The following LHFPL3 variants were observed in gnomAD, a reference collection of about 807,000 sequenced individuals.
LHFPL3 encodes the protein LHFPL tetraspan subfamily member 3 protein.
A neutral mutation model predicts 19.3 loss-of-function variants in LHFPL3; 5 were observed. The observed-to-expected ratio is 0.26, with a 90% CI of 0.14 to 0.54. The LOEUF (loss-of-function observed/expected upper bound fraction) is 0.54, where lower values mean the gene tolerates loss of function less well. LHFPL3 is among the 20% of genes least tolerant of loss of function. The probability of loss-of-function intolerance (pLI) is 0.94; values close to 1 mark genes in which losing one functional copy is unlikely to be tolerated. For missense variants in LHFPL3, 249 were observed against 307.4 expected (o/e 0.81, Z 1.42); for synonymous variants, 133 against 126.2 (o/e 1.05, Z -0.36).
At chr7:104,367,836 GT>G (rs1790525721) in intron 1 of LHFPL3, among the ~76,000 whole-genome samples, 1 of 152,164 alleles carries the variant, frequency 6.6e-6, no homozygotes, top group African/African-American at 2.4e-5. Context: ...AGTAATTTTT[GT>G]TTTAATTTTG....
intron 1 of LHFPL3, among the ~76,000 whole-genome samples, chr7:104,590,181 T>C (rs1264801894): frequency 6.6e-6 from 1 of 152,216 alleles, no homozygotes; most frequent in Non-Finnish European, 1.5e-5. Context: ...CTCTTTCTTC[T>C]CTAGTTCTTT....
At chr7:104,414,544 G>A (rs1395987928) in intron 1 of LHFPL3, among the ~76,000 whole-genome samples, 4 of 152,194 alleles carry the variant, frequency 2.6e-5, no homozygotes, top group Non-Finnish European at 5.9e-5. Flanking sequence ...GAGACACTTT[G>A]TGCAATCAAT....
At chr7:104,472,042 G>T (rs1374878245) in intron 1 of LHFPL3, among the ~76,000 whole-genome samples, 1 of 151,856 alleles carries the variant, frequency 6.6e-6, no homozygotes, top group Non-Finnish European at 1.5e-5. Flanking sequence ...GCCGAGGGTG[G>T]GGCGTGTACC....
intron 1 of LHFPL3, among the ~76,000 whole-genome samples, chr7:104,357,757 T>C (rs796138500): frequency 1.6e-3 from 245 of 151,398 alleles, no homozygotes; most frequent in African/African-American, 5.1e-3. Flanking sequence ...ATTTCTCCTC[T>C]TCCTCCTCCT....
At chr7:104,766,117 G>T (rs780236868) in intron 2 of LHFPL3, among the ~76,000 whole-genome samples, 21 of 152,216 alleles carry the variant, frequency 1.4e-4, no homozygotes, top group Non-Finnish European at 2.8e-4. Context: ...GATACGGAAT[G>T]ATCCTAATGC....
rs1791269356 is a variant in LHFPL3, at chr7:104,399,593, C to CTGAGATTACAA, written c.445+70370_445+70380dup. 6.6e-6 allele frequency among the ~76,000 whole-genome samples: 1 copy of CTGAGATTACAA among 150,790 alleles called. No individual in the cohort carries two copies. The highest frequency in any genetic ancestry group is 2.4e-5 in the African/African-American group (1 of 41,116). ...TCTCCTGCCTCAGCCTCCCAAGTAGCTGAGATTACAAGCACCTGCCACCAC... is the reference window on the plus strand; with the variant it reads ...TCTCCTGCCTCAGCCTCCCAAGTAGCTGAGATTACAATGAGATTACAAGCACCTGCCACCAC... On this transcript the variant is annotated intron_variant, in intron 1 of 2. Coordinates refer to ENST00000424859, the MANE Select transcript of LHFPL3 (RefSeq NM_199000.3). This position sits in a 1 kb window ranked among gnomAD's most constrained non-coding sequence, Gnocchi z 4.4.
chr7:104,874,025 A>T (rs1405360661), intron 2 of LHFPL3, among the ~76,000 whole-genome samples: 1 of 152,204 alleles, frequency 6.6e-6, no homozygotes, highest in Non-Finnish European at 1.5e-5. Flanking sequence ...TCCCTCACTG[A>T]TGCAAACCAA....
At chr7:104,442,240 T>C (rs1792240232) in intron 1 of LHFPL3, among the ~76,000 whole-genome samples, 2 of 52,388 alleles carry the variant, frequency 3.8e-5, no homozygotes, top group Admixed American at 4.0e-4. Flanking sequence ...TTTTAAAATC[T>C]GGTCTTTTTT....
At position 104,742,720 on chromosome 7, in the gene LHFPL3, A is replaced by G. The variant is rs78395268; in HGVS notation, c.682+5809A>G. 4.6e-3 allele frequency among the ~76,000 whole-genome samples: 695 copies of G among 152,292 alleles called. 29 individuals carry two copies. The East Asian group carries it at 0.1, about 22-fold the overall frequency. On this transcript the variant is annotated intron_variant, in intron 2 of 2. Transcript: ENST00000424859. ...GTCTTTCTAGCTATAATATATTTCA[A>G]TTCTATGGATATCTTCAGAGGTGTT...
At chr7:104,392,282 T>G (rs1193186283) in intron 1 of LHFPL3, among the ~76,000 whole-genome samples, 1 of 151,966 alleles carries the variant, frequency 6.6e-6, no homozygotes, top group East Asian at 1.9e-4. Flanking sequence ...AAGGGAATGC[T>G]TCCAGTTTTT....
At chr7:104,828,385 C>T (rs1288035637) in intron 2 of LHFPL3, among the ~76,000 whole-genome samples, 1 of 151,992 alleles carries the variant, frequency 6.6e-6, no homozygotes, top group African/African-American at 2.4e-5. Context: ...AGGGAAAAGC[C>T]TCACAGGATG....
intron 1 of LHFPL3, among the ~76,000 whole-genome samples, chr7:104,562,204 T>C (rs1790019593): frequency 2.0e-5 from 3 of 152,050 alleles, no homozygotes; most frequent in Non-Finnish European, 4.4e-5. Flanking sequence ...GCGTTCTCTG[T>C]ATTTCCTGAA....
At chr7:104,343,443 G>T (rs1789996720) in intron 1 of LHFPL3, among the ~76,000 whole-genome samples, 1 of 140,416 alleles carries the variant, frequency 7.1e-6, no homozygotes. Context: ...AACCCGGGAG[G>T]TGGAGGTTGC....
intron 1 of LHFPL3, among the ~76,000 whole-genome samples, chr7:104,579,170 T>A (rs760159907): frequency 2.0e-5 from 3 of 152,216 alleles, no homozygotes; most frequent in Non-Finnish European, 1.5e-5. Flanking sequence ...TCTGTCTTTT[T>A]AATTTTAGAT....
At chr7:104,510,109 T>C (rs76159629) in intron 1 of LHFPL3, among the ~76,000 whole-genome samples, 2 of 112,882 alleles carry the variant, frequency 1.8e-5, no homozygotes, top group African/African-American at 7.2e-5. Flanking sequence ...TGAAGAGACA[T>C]ACCATCTTCA....
At chr7:104,905,478 C>T (rs958469321) in intron 2 of LHFPL3, among the ~76,000 whole-genome samples, 4 of 152,060 alleles carry the variant, frequency 2.6e-5, no homozygotes, top group South Asian at 2.1e-4. Context: ...TCCCTACACT[C>T]TGGGAGGCTG....
chr7:104,520,954 C>G (rs1374389472), intron 1 of LHFPL3, among the ~76,000 whole-genome samples: 1 of 149,050 alleles, frequency 6.7e-6, no homozygotes, highest in Non-Finnish European at 1.5e-5. Flanking sequence ...TCCTTCAGTT[C>G]TTCTCTGATT....
chr7:104,718,566 T>A (rs1224651675), intron 1 of LHFPL3, among the ~76,000 whole-genome samples: 4 of 152,312 alleles, frequency 2.6e-5, no homozygotes, highest in East Asian at 1.9e-4. Flanking sequence ...TAAGCCAGGG[T>A]GGAGAGTGAG....
chr7:104,601,031 G>A (rs1415661239), intron 1 of LHFPL3, among the ~76,000 whole-genome samples: 1 of 152,176 alleles, frequency 6.6e-6, no homozygotes, highest in Non-Finnish European at 1.5e-5. Flanking sequence ...TGGCAATGGA[G>A]CCAATTCTTA....
Sources: allele counts gnomAD v4.1 joint callset (sites outside exome capture counted in the v4.1 genomes callset), GRCh38; gene constraint gnomAD v4.1.1; non-coding constraint Gnocchi (gnomAD v3.1); transcripts MANE v1.5; gene names NCBI Gene and HGNC (gene_info 2026-07-23, HGNC 2026-07-21).